DPYD: variants seen among roughly 807,000 people sequenced by gnomAD.
DPYD encodes the protein dihydropyrimidine dehydrogenase.
DPYD carries 109 observed loss-of-function variants against 116.2 expected under a neutral mutation model. The ratio of observed to expected loss-of-function variants is 0.94; its 90% CI spans 0.80 to 1.10. The LOEUF (loss-of-function observed/expected upper bound fraction) is 1.10. Among genes scored for constraint, DPYD ranks in the 50% least tolerant of loss-of-function variants. The probability of loss-of-function intolerance (pLI) is 0.00; values close to 1 mark genes in which losing one functional copy is unlikely to be tolerated. For synonymous variants in DPYD, 440 were observed against 432.0 expected, an observed-to-expected ratio of 1.02 and a Z score of -0.23; for missense variants, 1,302 against 1,254.5, an observed-to-expected ratio of 1.04 and a Z score of -0.57.
At chr1:97,616,494 C>A (rs1215227931) in intron 8 of DPYD, among the ~76,000 whole-genome samples, 1 of 152,058 alleles carries the variant, frequency 6.6e-6, no homozygotes, top group Non-Finnish European at 1.5e-5. Context: ...AGAGACCACA[C>A]GGAGATGCTG....
At chr1:97,349,893 C>T (rs1161463205) in intron 16 of DPYD, among the ~76,000 whole-genome samples, 1 of 145,136 alleles carries the variant, frequency 6.9e-6, no homozygotes, top group Non-Finnish European at 1.5e-5. Context: ...AATGGTATTT[C>T]TAGTTCTAGA....
intron 2 of DPYD, among the ~76,000 whole-genome samples, chr1:97,879,908 G>A (rs537439359): frequency 1.3e-5 from 2 of 151,770 alleles, no homozygotes; most frequent in African/African-American, 4.8e-5. Context: ...GAAGAAGGCA[G>A]ATAGTAAGAG....
chr1:97,521,613 CA>C (rs2101992289), intron 12 of DPYD, among the ~76,000 whole-genome samples: 1 of 152,164 alleles, frequency 6.6e-6, no homozygotes, highest in African/African-American at 2.4e-5. Flanking sequence ...CAATCCTAAG[CA>C]AAAAGAACAA....
chr1:97,098,218 C>T (rs191484240), intron 21 of DPYD, among the ~76,000 whole-genome samples: 23 of 152,202 alleles, frequency 1.5e-4, no homozygotes, highest in Non-Finnish European at 2.9e-4. Context: ...CTAGGAATTT[C>T]ATCTTAATAT....
In DPYD at chr1:97,450,088, T is replaced by C; in HGVS notation, c.1876A>G (p.Thr626Ala). ...KTAAYWCQSV[T>A]ELKADFPDNI... Reference sequence around the variant, plus strand: ...TCTGGAAAGTCAGCCTTTAGTTCAGTGACACTTTGACACCAATATGCAGCC... The same window carrying C: ...TCTGGAAAGTCAGCCTTTAGTTCAGCGACACTTTGACACCAATATGCAGCC... Residue 626 changes from threonine to alanine, a missense_variant, in exon 14 of 23, where the codon ACT (threonine) becomes GCT (alanine). Coordinates refer to ENST00000370192, the MANE Select transcript of DPYD (RefSeq NM_000110.4). 6.2e-7 allele frequency: 1 copy of C among 1,613,982 alleles called. No individual in the cohort carries two copies. Among genetic ancestry groups the C allele is most frequent in the Middle Eastern group, 1.7e-4 (1 of 6,060 alleles).
At chr1:97,546,123 G>C (rs982594524) in intron 12 of DPYD, 2 of 1,426,962 alleles carry the variant, frequency 1.4e-6, no homozygotes, top group African/African-American at 2.8e-5. Flanking sequence ...AATGGCTGAA[G>C]TATTTGAAAA....
rs116572211 is a variant in DPYD at position 97,659,560 on chromosome 1, G to A, written c.850+19535C>T. Among the ~76,000 whole-genome samples, 703 of 152,176 alleles carry A rather than the reference G, an allele frequency of 4.6e-3. 4 individuals carry two copies. The highest frequency in any genetic ancestry group is 0.016 in the African/African-American group (675 of 41,536). On this transcript the variant is annotated intron_variant, in intron 8 of 22. Transcript: ENST00000370192. ...TTGAACTATTGTTCTTTAATACATG[G>A]CTAATTAAGTCTTTAACAGAAATCA... is the stretch of plus-strand genomic sequence containing the variant.
intron 20 of DPYD, among the ~76,000 whole-genome samples, chr1:97,162,185 C>T (rs1655962902): frequency 6.6e-6 from 1 of 152,118 alleles, no homozygotes; most frequent in Non-Finnish European, 1.5e-5. Context: ...TACAGTCCCA[C>T]CAACAGTGTA....
chr1:97,883,844 A>AT (rs767345351), intron 1 of DPYD: 21 of 476,880 alleles, frequency 4.4e-5, no homozygotes, highest in African/African-American at 3.5e-4. Flanking sequence ...CAAAAAAAAA[A>AT]AGATACATGT....
chr1:97,569,999 A>G (rs1474117245), intron 11 of DPYD, among the ~76,000 whole-genome samples: 1 of 151,922 alleles, frequency 6.6e-6, no homozygotes, highest in Non-Finnish European at 1.5e-5. Context: ...CTCTTATCCA[A>G]GTTTATTTTA....
At chr1:97,610,797 G>T (rs1371964593) in intron 8 of DPYD, among the ~76,000 whole-genome samples, 2 of 152,030 alleles carry the variant, frequency 1.3e-5, no homozygotes, top group South Asian at 2.1e-4. Flanking sequence ...AGCAATTAAA[G>T]AATTCATTGT....
At chr1:97,792,261 C>A (rs1298803064) in intron 3 of DPYD, among the ~76,000 whole-genome samples, 2 of 151,764 alleles carry the variant, frequency 1.3e-5, no homozygotes, top group African/African-American at 4.8e-5. Context: ...TGCTACTGAG[C>A]TTTTATTTTT....
chr1:97,836,886 T>C (rs958826194), intron 2 of DPYD, among the ~76,000 whole-genome samples: 6 of 152,108 alleles, frequency 3.9e-5, no homozygotes, highest in Non-Finnish European at 7.4e-5. Context: ...TACACAGTTA[T>C]GGAATGGTTG....
chr1:97,612,816 A>G (rs760287257), intron 8 of DPYD, among the ~76,000 whole-genome samples: 16 of 151,996 alleles, frequency 1.1e-4, no homozygotes, highest in Non-Finnish European at 2.4e-4. Context: ...CCCAGTGCTG[A>G]GCAAGAGTTG....
chr1:97,180,778 T>A (rs930015506), intron 20 of DPYD, among the ~76,000 whole-genome samples: 1 of 152,134 alleles, frequency 6.6e-6, no homozygotes, highest in Non-Finnish European at 1.5e-5. Context: ...ACCACTCCCA[T>A]GAATGTGACA....
intron 21 of DPYD, among the ~76,000 whole-genome samples, chr1:97,085,008 AC>A (rs1649415862): frequency 6.6e-6 from 1 of 152,168 alleles, no homozygotes; most frequent in Non-Finnish European, 1.5e-5. Context: ...ATTTTACTGA[AC>A]ATTTTTATTG....
chr1:97,190,215 C>T (rs1405693434), intron 20 of DPYD, among the ~76,000 whole-genome samples: 1 of 152,096 alleles, frequency 6.6e-6, no homozygotes, highest in Admixed American at 6.6e-5. Context: ...TCCTCTCCTG[C>T]CTCTTTTATT....
At chr1:97,375,828 T>A (rs1184480997) in intron 15 of DPYD, among the ~76,000 whole-genome samples, 1 of 152,230 alleles carries the variant, frequency 6.6e-6, no homozygotes. Flanking sequence ...CCTGGTTACT[T>A]CAAATATTTC....
intron 14 of DPYD, among the ~76,000 whole-genome samples, chr1:97,385,305 A>G (rs376304646): frequency 0.011 from 1,526 of 137,404 alleles, 13 homozygotes; most frequent in Non-Finnish European, 0.019. Context: ...AAAAAAAAAA[A>G]AAAAAAAAAA....
Sources: gnomAD v4.1 joint callset for allele counts (sites outside exome capture counted in the v4.1 genomes callset) on GRCh38, gnomAD v4.1.1 for gene constraint, MANE v1.5 for transcripts, NCBI Gene and HGNC (gene_info 2026-07-23, HGNC 2026-07-21) for gene names.